Variants in ADAMTS3 observed in about 807,000 individuals in gnomAD.
The protein encoded by ADAMTS3 is A disintegrin and metalloproteinase with thrombospondin motifs 3.
A neutral mutation model predicts 129.0 loss-of-function variants in ADAMTS3; 73 were observed. That is an observed-to-expected ratio of 0.57 (90% confidence interval 0.47 to 0.69). The LOEUF (loss-of-function observed/expected upper bound fraction) is 0.69. Ranked by LOEUF, ADAMTS3 falls within the 30% of genes least tolerant of loss-of-function variation. The probability of loss-of-function intolerance (pLI) is 0.00; values close to 1 mark genes in which losing one functional copy is unlikely to be tolerated. For missense variants in ADAMTS3, 1,457 were observed against 1,514.5 expected (o/e 0.96, Z 0.63); for synonymous variants, 477 against 510.8 (o/e 0.93, Z 0.89).
intron 4 of ADAMTS3, among the ~76,000 whole-genome samples, chr4:72,347,246 T>C (rs1014638219): frequency 1.3e-5 from 2 of 151,560 alleles, no homozygotes; most frequent in Admixed American, 6.6e-5. Flanking sequence ...CACAAACCAA[T>C]AAACTACCAC....
chr4:72,546,160 T>G (rs1159481625), intron 3 of ADAMTS3, among the ~76,000 whole-genome samples: 1 of 152,176 alleles, frequency 6.6e-6, no homozygotes, highest in Non-Finnish European at 1.5e-5. Flanking sequence ...CTGCTCAAAA[T>G]CTAACAAAGG....
At position 72,406,635 on chromosome 4, in the gene ADAMTS3, A is replaced by G. The variant is rs973629877; in HGVS notation, c.661+8180T>C. On this transcript the variant is annotated intron_variant, in intron 4 of 21. Transcript: ENST00000286657. ...GTAGTGAAAGGAAGAAATGGGAACG[A>G]ATGATGCTTTTATGTACACTGCAAG... Among the ~76,000 whole-genome samples the G allele has an allele frequency of 4.6e-5, 7 of 152,202 alleles. No homozygotes were observed. The East Asian group carries it at 1.3e-3, about 29-fold the overall frequency.
chr4:72,354,630 G>A (rs928054680), intron 4 of ADAMTS3, among the ~76,000 whole-genome samples: 11 of 151,892 alleles, frequency 7.2e-5, no homozygotes, highest in East Asian at 1.9e-4. Context: ...TACACATCCT[G>A]AGTTACAGGA....
At chr4:72,516,673 T>C (rs1344905184) in intron 3 of ADAMTS3, among the ~76,000 whole-genome samples, 8 of 152,298 alleles carry the variant, frequency 5.3e-5, no homozygotes, top group Non-Finnish European at 1.2e-4. Flanking sequence ...TTGTGATTTT[T>C]GTACATTGAT....
In ADAMTS3 at chr4:72,298,453, C is replaced by T. The variant is rs778864010; in HGVS notation, c.2425-11G>A. On this transcript the variant is annotated splice_polypyrimidine_tract_variant and intron_variant, in intron 17 of 21. Transcript: ENST00000286657. The stretch of plus-strand genomic sequence containing the variant: ...TTCTTGAGGTATAATCTAACATACA[C>T]ATGAAATCAATATGTAAATCACCTG... 4.5e-6 allele frequency: 7 copies of T among 1,560,674 alleles called. No individual in the cohort carries two copies. In the Admixed American group the frequency reaches 1.2e-4, roughly 27 times the overall value.
At chr4:72,310,377 A>C (rs1037031458) in intron 14 of ADAMTS3, among the ~76,000 whole-genome samples, 24 of 152,116 alleles carry the variant, frequency 1.6e-4, no homozygotes, top group Non-Finnish European at 3.5e-4. Flanking sequence ...GCTGAACAAC[A>C]CATACTATGC....
At chr4:72,319,180 T>G (rs551633582) in intron 9 of ADAMTS3, 152 bp downstream of exon 9, 45 of 854,268 alleles carry the variant, frequency 5.3e-5, no homozygotes, top group Middle Eastern at 7.1e-4. Flanking sequence ...CATGATAAAA[T>G]TTTTGTGCTG....
intron 13 of ADAMTS3, 40 bp downstream of exon 13, chr4:72,312,251 A>G (rs1403659400): frequency 1.9e-6 from 3 of 1,605,950 alleles, no homozygotes; most frequent in Non-Finnish European, 2.6e-6. Flanking sequence ...ACTGTGAGTA[A>G]CCATCCACAC....
intron 4 of ADAMTS3, among the ~76,000 whole-genome samples, chr4:72,341,726 A>G (rs1009005950): frequency 2.6e-5 from 4 of 152,212 alleles, no homozygotes; most frequent in Non-Finnish European, 5.9e-5. Flanking sequence ...TTCTGCTTTA[A>G]CACACCTTTG....
chr4:72,371,310 AAAAG>A (rs1393852796), intron 4 of ADAMTS3, among the ~76,000 whole-genome samples: 3 of 152,216 alleles, frequency 2.0e-5, no homozygotes, highest in Admixed American at 6.5e-5. Context: ...TGAATTAAAA[AAAAG>A]ACTGTCATGC....
intron 3 of ADAMTS3, among the ~76,000 whole-genome samples, chr4:72,439,220 A>G (rs1404822277): frequency 1.3e-5 from 2 of 151,754 alleles, no homozygotes; most frequent in Non-Finnish European, 2.9e-5. Flanking sequence ...ATGCCATTTC[A>G]TTAAGTTTTT....
chr4:72,384,424 T>C (rs572545658), intron 4 of ADAMTS3, among the ~76,000 whole-genome samples: 5 of 152,050 alleles, frequency 3.3e-5, no homozygotes, highest in Non-Finnish European at 7.4e-5. Flanking sequence ...TAGAGAAAAA[T>C]AGCATACTAT....
chr4:72,425,653 C>T (rs139530827), intron 3 of ADAMTS3, among the ~76,000 whole-genome samples: 3,857 of 152,152 alleles, frequency 0.025, 72 homozygotes, highest in Non-Finnish European at 0.04. Flanking sequence ...GTCCCTAAAA[C>T]GACATGAACT....
At chr4:72,402,339 C>T (rs943655919) in intron 4 of ADAMTS3, among the ~76,000 whole-genome samples, 5 of 152,144 alleles carry the variant, frequency 3.3e-5, no homozygotes, top group African/African-American at 1.2e-4. Context: ...CCAATCTTTA[C>T]TGAAGTATGC....
chr4:72,384,839 C>T (rs1721393725), intron 4 of ADAMTS3, among the ~76,000 whole-genome samples: 1 of 152,064 alleles, frequency 6.6e-6, no homozygotes, highest in Non-Finnish European at 1.5e-5. Context: ...GGATTTATAA[C>T]ATATGTACAG....
At chr4:72,377,252 T>G (rs1721157701) in intron 4 of ADAMTS3, among the ~76,000 whole-genome samples, 1 of 152,106 alleles carries the variant, frequency 6.6e-6, no homozygotes, top group Admixed American at 6.6e-5. Context: ...AAAGAGAGGA[T>G]GGAATTGTTG....
At chr4:72,451,487 T>A (rs11932872) in intron 3 of ADAMTS3, among the ~76,000 whole-genome samples, 30,952 of 151,690 alleles carry the variant, frequency 0.2, 4,006 homozygotes, top group Non-Finnish European at 0.29. Flanking sequence ...ATGGAAGCAC[T>A]AGTGGAAAAG....
At chr4:72,525,208 T>A (rs1720776902) in intron 3 of ADAMTS3, among the ~76,000 whole-genome samples, 1 of 152,092 alleles carries the variant, frequency 6.6e-6, no homozygotes, top group Non-Finnish European at 1.5e-5. Context: ...TTATTAAGGG[T>A]CAAAACAGGT....
intron 3 of ADAMTS3, among the ~76,000 whole-genome samples, chr4:72,421,216 T>C (rs780722884): frequency 2.0e-5 from 3 of 152,240 alleles, no homozygotes; most frequent in Non-Finnish European, 4.4e-5. Context: ...TCTAGCCACA[T>C]GGTCCTAGTC....
Sources: gnomAD v4.1 joint callset for allele counts (sites outside exome capture counted in the v4.1 genomes callset) on GRCh38, gnomAD v4.1.1 for gene constraint, MANE v1.5 for transcripts, NCBI Gene and HGNC (gene_info 2026-07-23, HGNC 2026-07-21) for gene names.